Variants in HDLBP observed in about 807,000 individuals in gnomAD.
HDLBP encodes vigilin.
A neutral mutation model predicts 137.3 loss-of-function variants in HDLBP; 30 were observed. The observed-to-expected ratio is 0.22, with a 90% CI of 0.16 to 0.30. The LOEUF is 0.30. Among genes scored for constraint, HDLBP ranks in the 10% least tolerant of loss-of-function variants. The pLI, the probability that HDLBP is intolerant of heterozygous loss-of-function variation, is 1.00. For missense variants in HDLBP, 1,119 were observed against 1,667.3 expected (o/e 0.67, Z 5.73); for synonymous variants, 606 against 596.0 (o/e 1.02, Z -0.24).
Position 241,255,398 on chromosome 2 carries a change from C to T in HDLBP, c.1056G>A (p.Gln352=). ...ILRGEPEKLG[Q]ALTEVYAKAN... is the part of the protein sequence containing the mutation. ...CCTTGGCATAGACTTCAGTCAACGCCTGACCTAACTTTTCAGGTTCGCCTC... is the reference window on the plus strand; with the variant it reads ...CCTTGGCATAGACTTCAGTCAACGCTTGACCTAACTTTTCAGGTTCGCCTC... Residue 352 remains glutamine, a synonymous_variant, in exon 8 of 28, where the codon CAG becomes CAA. Transcript: ENST00000310931. 6.2e-7 allele frequency: 1 copy of T among 1,614,208 alleles called. No individual in the cohort carries two copies. Among genetic ancestry groups the T allele is most frequent in the Non-Finnish European group, 8.5e-7 (1 of 1,180,028 alleles).
rs998040927 is a variant in HDLBP at position 241,255,665 on chromosome 2, G to A, written c.874-85C>T. 6.0e-5 allele frequency: 60 copies of A among 1,005,134 alleles called. 1 individual carries two copies. The highest frequency in any genetic ancestry group is 3.4e-4 in the South Asian group (26 of 77,080). 62.3% of individuals were successfully genotyped at this position (1,005,134 alleles called of 1,614,324 possible). A position where few individuals can be genotyped will look rare whatever the true frequency, so the allele number is the denominator to read the frequency against. Reference sequence around the variant, plus strand: ...GCATGGCCACTGCTGCAGAAAGCAAGCCAAAGCGGCCCAGACTATAGATGC... The same window carrying A: ...GCATGGCCACTGCTGCAGAAAGCAAACCAAAGCGGCCCAGACTATAGATGC... On this transcript the variant is annotated intron_variant, in intron 7 of 27. Transcript: ENST00000310931.
intron 1 of HDLBP, among the ~76,000 whole-genome samples, chr2:241,293,870 C>T (rs1190619793): frequency 1.4e-5 from 2 of 148,106 alleles, no homozygotes; most frequent in Non-Finnish European, 3.0e-5. Flanking sequence ...TGCAGTGAGC[C>T]GTGATTGCAC....
intron 21 of HDLBP, 99 bp from the exon 22 acceptor site, chr2:241,235,693 C>G: frequency 1.3e-6 from 1 of 766,604 alleles, no homozygotes; most frequent in South Asian, 1.6e-5. Flanking sequence ...GCAAACAGCC[C>G]TATGACAACA....
At chr2:241,287,436 T>C (rs1032845172) in intron 1 of HDLBP, among the ~76,000 whole-genome samples, 26 of 144,756 alleles carry the variant, frequency 1.8e-4, no homozygotes, top group South Asian at 1.1e-3. Flanking sequence ...TTTTTTTTTT[T>C]CTGAGACAGG....
intron 14 of HDLBP, 34 bp downstream of exon 14, chr2:241,247,969 C>G: frequency 6.9e-7 from 1 of 1,456,552 alleles, no homozygotes; most frequent in Non-Finnish European, 9.6e-7. Context: ...ACCCCAGGTG[C>G]TGTCATACAA....
chr2:241,236,977 T>G (rs1198966800), intron 20 of HDLBP, among the ~76,000 whole-genome samples: 7 of 108,242 alleles, frequency 6.5e-5, no homozygotes, highest in Non-Finnish European at 9.4e-5. Flanking sequence ...TCCCAGACCT[T>G]GGGGGGGGGG....
Position 241,230,305 on chromosome 2 carries a change from C to A in HDLBP, c.3475-36G>T. 7.9e-7 allele frequency: 1 copy of A among 1,267,442 alleles called. No individual in the cohort carries two copies. 78.5% of individuals were successfully genotyped at this position (1,267,442 alleles called of 1,614,324 possible). A position where few individuals can be genotyped will look rare whatever the true frequency, so the allele number is the denominator to read the frequency against. On this transcript the variant is annotated intron_variant, in intron 25 of 27. Transcript: ENST00000310931. The surrounding 1 kb of genome is among the most constrained non-coding windows in gnomAD (Gnocchi z 5.0). ...TGTACAACGTCAGATGAGGGGACTC[C>A]AAGCGAGGAAAAGGGTTAAAATTAT...
chr2:241,256,277 T>C lies in HDLBP; in HGVS notation c.780A>G (p.Pro260=), dbSNP rs1369358723. 1 of 1,613,926 alleles carries C rather than the reference T, an allele frequency of 6.2e-7. No homozygotes were observed. Among genetic ancestry groups the C allele is most frequent in the Non-Finnish European group, 8.5e-7 (1 of 1,179,966 alleles). Residue 260 remains proline (P), a synonymous_variant, in exon 7 of 28, where the codon CCA becomes CCG. Coordinates refer to ENST00000310931, the MANE Select transcript of HDLBP (RefSeq NM_005336.6). ...QETGTRINIP[P]PSVNRTEIVF... Reference sequence around the variant, plus strand: ...CAATCTCTGTCCGGTTCACGCTGGGTGGGGGGATGTTGATGCGCGTGCCTG... The same window carrying C: ...CAATCTCTGTCCGGTTCACGCTGGGCGGGGGGATGTTGATGCGCGTGCCTG...
At chr2:241,250,090 C>T in intron 11 of HDLBP, 110 bp from the exon 12 acceptor site, 1 of 1,100,412 alleles carries the variant, frequency 9.1e-7, no homozygotes. Context: ...TCTGTGATTC[C>T]CATCACCAAA....
intron 5 of HDLBP, 43 bp downstream of exon 5, chr2:241,262,668 G>T: frequency 6.9e-7 from 1 of 1,452,794 alleles, no homozygotes; most frequent in Non-Finnish European, 9.7e-7. Flanking sequence ...GTAATGGAAC[G>T]GGTACACAGT....
chr2:241,286,382 C>G (rs575616947), intron 1 of HDLBP, among the ~76,000 whole-genome samples: 1 of 152,316 alleles, frequency 6.6e-6, no homozygotes, highest in East Asian at 1.9e-4. Context: ...CAAAGTCTCC[C>G]CTCTGTTCAC....
chr2:241,297,978 G>A (rs959339677), intron 1 of HDLBP, among the ~76,000 whole-genome samples: 1 of 139,718 alleles, frequency 7.2e-6, no homozygotes, highest in African/African-American at 2.6e-5. Flanking sequence ...AACCCAGGAG[G>A]CAGAGGTTGC....
At chr2:241,290,684 A>T (rs920607025) in intron 1 of HDLBP, among the ~76,000 whole-genome samples, 7 of 152,296 alleles carry the variant, frequency 4.6e-5, no homozygotes, top group African/African-American at 1.7e-4. Flanking sequence ...AATGCTGGTT[A>T]TATGAGTGAG....
At position 241,240,062 on chromosome 2, in the gene HDLBP, C is replaced by T. The variant is rs143103039; in HGVS notation, c.2230G>A (p.Gly744Ser). ...TTGCGAATTTTGCCGCCCCCCTTGC[C>T]GATGAGGAATTTGTGGTATTCTGGC... ...AKPEYHKFLI[G>S]KGGGKIRKVR... Residue 744 changes from glycine to serine, a missense_variant, in exon 18 of 28, where the codon GGC (glycine) becomes AGC (serine). Gly to Ser is a moderately conservative substitution (Grantham distance 56). This residue lies in a region of HDLBP where 618 missense variants were observed against 816.7 expected (regional missense o/e 0.76). Coordinates refer to ENST00000310931, the MANE Select transcript of HDLBP (RefSeq NM_005336.6). This position sits in a 1 kb window ranked among gnomAD's most constrained non-coding sequence, Gnocchi z 5.5. The T allele has an allele frequency of 6.2e-7, 1 of 1,614,176 alleles. No homozygotes were observed. Among genetic ancestry groups the T allele is most frequent in the Non-Finnish European group, 8.5e-7 (1 of 1,180,040 alleles).
Position 241,239,109 on chromosome 2 carries a change from A to G in HDLBP, c.2611-322T>C, listed in dbSNP as rs141248957. On this transcript the variant is annotated intron_variant, in intron 19 of 27. Transcript: ENST00000310931. This position sits in a 1 kb window ranked among gnomAD's most constrained non-coding sequence, Gnocchi z 4.6. Reference sequence around the variant, plus strand: ...GGCATCAGACTTGATTATTAGGGAAAGGGAATCCAAGGCCCTGGCAGGGGA... The same window carrying G: ...GGCATCAGACTTGATTATTAGGGAAGGGGAATCCAAGGCCCTGGCAGGGGA... 1.3e-5 allele frequency among the ~76,000 whole-genome samples: 2 copies of G among 152,266 alleles called. No homozygotes were observed. The highest frequency in any genetic ancestry group is 3.9e-4 in the East Asian group (2 of 5,166).
At chr2:241,248,431 C>A in intron 12 of HDLBP, 83 bp from the exon 13 acceptor site, 3 of 1,134,598 alleles carry the variant, frequency 2.6e-6, no homozygotes, top group Non-Finnish European at 4.0e-6. Context: ...ACCAGGGAGC[C>A]CTGGGCACAG....
chr2:241,240,684 G>A lies in HDLBP; in HGVS notation c.2170-562C>T, dbSNP rs1317687952. 6.6e-6 allele frequency among the ~76,000 whole-genome samples: 1 copy of A among 152,144 alleles called. No individual in the cohort carries two copies. Among genetic ancestry groups the A allele is most frequent in the African/African-American group, 2.4e-5 (1 of 41,432 alleles). ...CAAGCTCAAGCTCAGAGGGACACAA[G>A]CCAACCAAGGCTACAGTTAGAGACC... On this transcript the variant is annotated intron_variant, in intron 17 of 27. Coordinates refer to ENST00000310931, the MANE Select transcript of HDLBP (RefSeq NM_005336.6). The surrounding 1 kb of genome is among the most constrained non-coding windows in gnomAD (Gnocchi z 5.5).
intron 5 of HDLBP, among the ~76,000 whole-genome samples, chr2:241,258,082 G>C (rs1040638883): frequency 2.0e-4 from 30 of 152,010 alleles, no homozygotes; most frequent in African/African-American, 6.3e-4. Context: ...GGTGAGACCT[G>C]ACTTCTACAA....
chr2:241,277,272 T>C (rs1258809806), intron 1 of HDLBP, among the ~76,000 whole-genome samples: 4 of 151,868 alleles, frequency 2.6e-5, no homozygotes, highest in South Asian at 4.1e-4. Context: ...AAGCTAATCA[T>C]CCACTACTGA....
Sources: gnomAD v4.1 joint callset for allele counts (sites outside exome capture counted in the v4.1 genomes callset) on GRCh38, gnomAD v4.1.1 for gene constraint, gnomAD v4.1.1 regional missense constraint, Gnocchi (gnomAD v3.1) non-coding constraint, MANE v1.5 for transcripts, NCBI Gene and HGNC (gene_info 2026-07-23, HGNC 2026-07-21) for gene names.